Variants in CDC14A observed in about 807,000 individuals in gnomAD.
The protein encoded by CDC14A is dual specificity protein phosphatase CDC14A.
In CDC14A, 53 loss-of-function variants were observed where a neutral mutation model predicts 74.4. The ratio of observed to expected loss-of-function variants is 0.71; its 90% CI spans 0.57 to 0.89. The LOEUF (loss-of-function observed/expected upper bound fraction) is 0.89, where lower values mean the gene tolerates loss of function less well. Ranked by LOEUF, CDC14A falls within the 40% of genes least tolerant of loss-of-function variation. The pLI is 0.00. For synonymous variants in CDC14A, 247 were observed against 258.4 expected, an observed-to-expected ratio of 0.96 and a Z score of 0.43; for missense variants, 646 against 713.7, an observed-to-expected ratio of 0.91 and a Z score of 1.08.
chr1:100,403,786 C>G (rs1659574991), intron 4 of CDC14A, among the ~76,000 whole-genome samples: 1 of 152,194 alleles, frequency 6.6e-6, no homozygotes, highest in African/African-American at 2.4e-5. Context: ...ATTGAGAAGC[C>G]TGTAGCTAGG....
At chr1:100,352,462 G>A, upstream of CDC14A, 2 of 1,012,838 alleles carry the variant, frequency 2.0e-6, no homozygotes, top group Non-Finnish European at 2.4e-6. Flanking sequence ...GGAGGAGGAG[G>A]AGGAAGAGTA....
intron 4 of CDC14A, among the ~76,000 whole-genome samples, chr1:100,401,316 T>A (rs954214396): frequency 4.6e-5 from 7 of 152,196 alleles, no homozygotes; most frequent in African/African-American, 1.7e-4. Context: ...TCCTAAGCGT[T>A]CAATAAGTGT....
At chr1:100,445,037 G>C (rs1665383304) in intron 7 of CDC14A, among the ~76,000 whole-genome samples, 1 of 152,102 alleles carries the variant, frequency 6.6e-6, no homozygotes. Flanking sequence ...GTACTTATAA[G>C]AAAGAAGGTC....
chr1:100,485,096 C>T, intron 11 of CDC14A: 1 of 985,200 alleles, frequency 1.0e-6, no homozygotes, highest in African/African-American at 1.7e-5. Context: ...ACCCTGTTAC[C>T]TCTGAATAAA....
At chr1:100,379,753 G>A (rs1482092709) in intron 3 of CDC14A, among the ~76,000 whole-genome samples, 1 of 152,158 alleles carries the variant, frequency 6.6e-6, no homozygotes, top group Non-Finnish European at 1.5e-5. Flanking sequence ...ATGAATCGTG[G>A]CACCAACATC....
In CDC14A at chr1:100,518,364, C is replaced by G. The variant is rs1050295205; in HGVS notation, c.*84C>G. The G allele has an allele frequency of 6.5e-6, 7 of 1,069,698 alleles. No homozygotes were observed. Among genetic ancestry groups the G allele is most frequent in the Admixed American group, 1.7e-5 (1 of 57,876 alleles). The allele number at this position is 1,069,698 out of a possible 1,614,324, so 66.3% of individuals were successfully genotyped here. A position where few individuals can be genotyped will look rare whatever the true frequency, so the allele number is the denominator to read the frequency against. On this transcript the variant is annotated 3_prime_UTR_variant, in exon 16 of 16. Coordinates refer to ENST00000336454, the MANE Select transcript of CDC14A (RefSeq NM_003672.4). ...GAGCAGTGGAGAGGGAAAGCAACTT[C>G]TTGCTGGAAGAATATCTCTGCCTTC...
intron 7 of CDC14A, among the ~76,000 whole-genome samples, chr1:100,450,221 G>A (rs752631354): frequency 6.6e-6 from 1 of 152,192 alleles, no homozygotes; most frequent in Non-Finnish European, 1.5e-5. Context: ...CACCTACCTT[G>A]AGAAATAGTA....
intron 4 of CDC14A, among the ~76,000 whole-genome samples, chr1:100,417,188 T>C (rs1203304274): frequency 6.6e-6 from 1 of 152,178 alleles, no homozygotes; most frequent in Non-Finnish European, 1.5e-5. Flanking sequence ...TGTCTCACTT[T>C]AGAGCTGTGA....
In CDC14A at chr1:100,518,338, C is replaced by T. The variant is rs748700058; in HGVS notation, c.*58C>T. 47 of 1,426,884 alleles carry T rather than the reference C, an allele frequency of 3.3e-5. No homozygotes were observed. Among genetic ancestry groups the T allele is most frequent in the Non-Finnish European group, 4.1e-5 (41 of 1,011,482 alleles). 88.4% of individuals were successfully genotyped at this position (1,426,884 alleles called of 1,614,324 possible). Reference sequence around the variant, plus strand: ...CTTAGACACAATTTCTTCATCTGGACGAGCAGTGGAGAGGGAAAGCAACTT... The same window carrying T: ...CTTAGACACAATTTCTTCATCTGGATGAGCAGTGGAGAGGGAAAGCAACTT... On this transcript the variant is annotated 3_prime_UTR_variant, in exon 16 of 16. Transcript: ENST00000336454.
chr1:100,437,245 C>T (rs776792891), intron 5 of CDC14A, among the ~76,000 whole-genome samples: 3 of 152,144 alleles, frequency 2.0e-5, no homozygotes, highest in Non-Finnish European at 4.4e-5. Flanking sequence ...AATCTTCCAT[C>T]TTTATCTTCT....
At chr1:100,456,444 T>TC (rs1004821778) in intron 8 of CDC14A, among the ~76,000 whole-genome samples, 152 of 151,966 alleles carry the variant, frequency 1.0e-3, no homozygotes, top group African/African-American at 3.6e-3. Context: ...CCCCTTTTTT[T>TC]TTCTATCTGA....
chr1:100,472,211 C>T (rs1014364075), intron 10 of CDC14A, among the ~76,000 whole-genome samples: 24 of 152,078 alleles, frequency 1.6e-4, no homozygotes, highest in African/African-American at 5.6e-4. Context: ...ATACGAAAAG[C>T]GATTCACCCT....
chr1:100,441,156 C>T (rs1664884818), intron 6 of CDC14A, among the ~76,000 whole-genome samples: 1 of 152,188 alleles, frequency 6.6e-6, no homozygotes, highest in Non-Finnish European at 1.5e-5. Flanking sequence ...AGAAAGTTCA[C>T]ACTGGAATAT....
At chr1:100,470,614 A>G (rs897300699) in intron 10 of CDC14A, among the ~76,000 whole-genome samples, 1 of 152,144 alleles carries the variant, frequency 6.6e-6, no homozygotes, top group Admixed American at 6.6e-5. Context: ...AAAAGTATAA[A>G]TAAGCAATTT....
rs1571350535 is a variant in CDC14A, at chr1:100,499,513, T to G, written c.1755+251T>G. On this transcript the variant is annotated intron_variant, in intron 15 of 15. Coordinates refer to ENST00000336454, the MANE Select transcript of CDC14A (RefSeq NM_003672.4). ...TTCTTACCCCCAACTCCTTTTTAAGTAGTTTCTCTTAAAAGGGAAATAGCT... is the reference window on the plus strand; with the variant it reads ...TTCTTACCCCCAACTCCTTTTTAAGGAGTTTCTCTTAAAAGGGAAATAGCT... 18 of 1,211,106 alleles carry G rather than the reference T, an allele frequency of 1.5e-5. No individual in the cohort carries two copies. In the East Asian group the frequency reaches 4.4e-4, roughly 30 times the overall value. The allele number at this position is 1,211,106 out of a possible 1,614,324, so 75.0% of individuals were successfully genotyped here. A position where few individuals can be genotyped will look rare whatever the true frequency, so the allele number is the denominator to read the frequency against.
chr1:100,482,683 T>A (rs1163950170), intron 10 of CDC14A, among the ~76,000 whole-genome samples: 1 of 152,162 alleles, frequency 6.6e-6, no homozygotes, highest in Non-Finnish European at 1.5e-5. Context: ...CCTGTGTGTT[T>A]CATTTATCTG....
At chr1:100,350,219 T>C (rs1570923291), upstream of CDC14A, among the ~76,000 whole-genome samples, 1 of 152,026 alleles carries the variant, frequency 6.6e-6, no homozygotes, top group Non-Finnish European at 1.5e-5. Flanking sequence ...CCTCCCCAAG[T>C]GCTGGGATTA....
chr1:100,372,956 A>G (rs12088125), intron 2 of CDC14A, among the ~76,000 whole-genome samples: 1 of 152,114 alleles, frequency 6.6e-6, no homozygotes, highest in African/African-American at 2.4e-5. Context: ...AACTTTCTCC[A>G]TATCAGCAAT....
chr1:100,403,330 T>C (rs1005075810), intron 4 of CDC14A, among the ~76,000 whole-genome samples: 1 of 152,226 alleles, frequency 6.6e-6, no homozygotes, highest in Non-Finnish European at 1.5e-5. Context: ...ACCCATCAAA[T>C]TGACTTCACT....
Sources: allele counts gnomAD v4.1 joint callset (sites outside exome capture counted in the v4.1 genomes callset), GRCh38; gene constraint gnomAD v4.1.1; transcripts MANE v1.5; gene names NCBI Gene and HGNC (gene_info 2026-07-23, HGNC 2026-07-21).